The following IL1R2 variants were observed in gnomAD, a reference collection of about 807,000 sequenced individuals.
IL1R2 encodes the protein interleukin-1 receptor type 2.
A neutral mutation model predicts 39.5 loss-of-function variants in IL1R2; 46 were observed. That is an observed-to-expected ratio of 1.16 (90% confidence interval 0.92 to 1.49). IL1R2 has a LOEUF of 1.49. IL1R2 is among the 40% of genes most tolerant of loss of function. The pLI is 0.00. For synonymous variants in IL1R2, 207 were observed against 189.6 expected, an observed-to-expected ratio of 1.09 and a Z score of -0.75; for missense variants, 537 against 502.0, an observed-to-expected ratio of 1.07 and a Z score of -0.67.
At chr2:102,007,254 T>G (rs1198481369) in intron 1 of IL1R2, among the ~76,000 whole-genome samples, 2 of 152,210 alleles carry the variant, frequency 1.3e-5, no homozygotes, top group South Asian at 2.1e-4. Context: ...GGGGGAGGAC[T>G]GCTTCATAAA....
chr2:101,993,699 C>G (rs1675453529), intron 1 of IL1R2, among the ~76,000 whole-genome samples: 1 of 152,120 alleles, frequency 6.6e-6, no homozygotes, highest in Non-Finnish European at 1.5e-5. Context: ...ACAGTTTGCT[C>G]TTGCTGTTTG....
intron 1 of IL1R2, among the ~76,000 whole-genome samples, chr2:101,994,331 T>TC (rs1675484477): frequency 6.7e-6 from 1 of 148,790 alleles, no homozygotes; most frequent in South Asian, 2.2e-4. Context: ...CCCCCTCCCC[T>TC]CCCCCTGGAG....
intron 1 of IL1R2, among the ~76,000 whole-genome samples, chr2:102,003,988 G>GGTCTATGTCTATGTCTAT (rs58345449): frequency 0.026 from 3,596 of 140,496 alleles, 67 homozygotes; most frequent in South Asian, 0.048. Context: ...TCTCGGTCTG[G>GGTCTATGTCTATGTCTAT]GTCTATGTCT....
intron 4 of IL1R2, among the ~76,000 whole-genome samples, chr2:102,016,816 T>A (rs3218909): frequency 0.16 from 24,474 of 152,176 alleles, 2,317 homozygotes; most frequent in East Asian, 0.29. Flanking sequence ...CACCCCTTTA[T>A]ATAAACCACT....
chr2:101,997,427 A>C (rs1436036885), intron 1 of IL1R2, among the ~76,000 whole-genome samples: 1 of 152,152 alleles, frequency 6.6e-6, no homozygotes, highest in African/African-American at 2.4e-5. Flanking sequence ...GCACCTGAAG[A>C]GCTCCGAGGA....
chr2:102,016,248 T>C, intron 4 of IL1R2, 197 bp downstream of exon 4: 1 of 502,936 alleles, frequency 2.0e-6, no homozygotes, highest in East Asian at 3.1e-5. Context: ...TATAAACAAA[T>C]AAACAAATAA....
chr2:102,005,632 G>A (rs540607293), intron 1 of IL1R2, among the ~76,000 whole-genome samples: 3 of 152,300 alleles, frequency 2.0e-5, no homozygotes, highest in African/African-American at 7.2e-5. Flanking sequence ...CTGAGCAGCA[G>A]GAAGGAAGAT....
intron 1 of IL1R2, among the ~76,000 whole-genome samples, chr2:102,007,158 G>A (rs1676318809): frequency 6.6e-6 from 1 of 152,200 alleles, no homozygotes; most frequent in African/African-American, 2.4e-5. Context: ...GCCGTGGTTA[G>A]CAGACACAGG....
chr2:102,027,033 C>T (rs545875675), intron 8 of IL1R2, among the ~76,000 whole-genome samples: 2 of 152,294 alleles, frequency 1.3e-5, no homozygotes, highest in South Asian at 2.1e-4. Context: ...TGTGTTCCAG[C>T]CTCAGGACAG....
At chr2:102,018,653 G>A (rs1459826739) in intron 4 of IL1R2, among the ~76,000 whole-genome samples, 10 of 152,152 alleles carry the variant, frequency 6.6e-5, no homozygotes, top group Admixed American at 6.5e-4. Flanking sequence ...ACCCGATGAA[G>A]TAGGAACTGT....
chr2:102,008,080 A>C (rs996626132), intron 1 of IL1R2, among the ~76,000 whole-genome samples: 1 of 152,196 alleles, frequency 6.6e-6, no homozygotes. Flanking sequence ...AGAGAATGAC[A>C]GGGAAGGGAA....
intron 1 of IL1R2, among the ~76,000 whole-genome samples, chr2:102,007,707 A>G (rs1224962434): frequency 5.3e-5 from 8 of 152,214 alleles, no homozygotes; most frequent in Non-Finnish European, 8.8e-5. Flanking sequence ...CCTATTGAAA[A>G]GCAGGCTGGA....
Position 102,019,642 on chromosome 2 carries a change from C to T in IL1R2, c.518C>T (p.Ser173Phe). The T allele has an allele frequency of 1.2e-6, 2 of 1,608,658 alleles. No individual in the cohort carries two copies. The highest frequency in any genetic ancestry group is 1.7e-6 in the Non-Finnish European group (2 of 1,176,416). Residue 173 changes from serine to phenylalanine, a missense_variant, in exon 5 of 9, where the codon TCT becomes TTT. Coordinates refer to ENST00000332549, the MANE Select transcript of IL1R2 (RefSeq NM_004633.4). ...TDVKIQWYKD[S>F]LLLDKDNEKF... ...AAAAAAACATTTTCCCTTAAGGATT[C>T]TCTTCTTTTGGATAAAGACAATGAG...
intron 5 of IL1R2, among the ~76,000 whole-genome samples, chr2:102,021,245 A>G (rs1000981727): frequency 8.0e-6 from 1 of 124,804 alleles, no homozygotes; most frequent in African/African-American, 3.1e-5. Context: ...CACAGCCCTC[A>G]CCCCCCAGGT....
rs1677229703 is a variant in IL1R2, at chr2:102,019,612, A to G, written c.514-26A>G. 2.6e-6 allele frequency: 4 copies of G among 1,544,662 alleles called. No homozygotes were observed. The African/African-American group carries it at 4.1e-5, about 16-fold the overall frequency. ...TTGAGATGTATATTGGTATAATGTC[A>G]ACTTAAAAAAACATTTTCCCTTAAG... On this transcript the variant is annotated intron_variant, in intron 4 of 8. Coordinates refer to ENST00000332549, the MANE Select transcript of IL1R2 (RefSeq NM_004633.4).
intron 1 of IL1R2, among the ~76,000 whole-genome samples, chr2:102,002,769 T>TATC (rs1675963892): frequency 1.3e-5 from 2 of 151,752 alleles, no homozygotes; most frequent in East Asian, 1.9e-4. Context: ...TCTATATCTA[T>TATC]ATCTATATCT....
intron 3 of IL1R2, among the ~76,000 whole-genome samples, chr2:102,011,921 T>C (rs1051811322): frequency 2.0e-5 from 3 of 152,238 alleles, no homozygotes; most frequent in South Asian, 4.1e-4. Context: ...AATTTTTGTA[T>C]ATGGTGTTAG....
intron 7 of IL1R2, 146 bp downstream of exon 7, chr2:102,024,814 T>C (rs186454094): frequency 1.9e-6 from 2 of 1,055,488 alleles, no homozygotes; most frequent in East Asian, 5.6e-5. Flanking sequence ...AAAAATTGTA[T>C]TTTGCTAAAA....
chr2:101,995,674 C>T lies in IL1R2; in HGVS notation c.-62+3663C>T, dbSNP rs1185548989. On this transcript the variant is annotated intron_variant, in intron 1 of 8. Transcript: ENST00000332549. ...TGTGGTGCCTGCCCTCCAAGGTGTA[C>T]TGTGGCAATGACCTCAGTAGCTTCA... Among the ~76,000 whole-genome samples the T allele has an allele frequency of 2.6e-5, 4 of 152,186 alleles. No individual in the cohort carries two copies. The East Asian group carries it at 7.7e-4, about 29-fold the overall frequency.
Sources: allele counts gnomAD v4.1 joint callset (sites outside exome capture counted in the v4.1 genomes callset), GRCh38; gene constraint gnomAD v4.1.1; transcripts MANE v1.5; gene names NCBI Gene and HGNC (gene_info 2026-07-23, HGNC 2026-07-21).